The following ULK4 variants were observed in gnomAD, a reference collection of about 807,000 sequenced individuals.
The protein encoded by ULK4 is inactive serine/threonine-protein kinase ULK4.
In ULK4, 133 loss-of-function variants were observed where a neutral mutation model predicts 160.6. The ratio of observed to expected loss-of-function variants is 0.83; its 90% CI spans 0.72 to 0.96. The LOEUF is 0.96. ULK4 is among the 40% of genes least tolerant of loss of function. The pLI, the probability that ULK4 is intolerant of heterozygous loss-of-function variation, is 0.00. For missense variants in ULK4, 1,580 were observed against 1,499.5 expected (o/e 1.05, Z -0.89); for synonymous variants, 534 against 539.8 (o/e 0.99, Z 0.15).
intron 17 of ULK4, chr3:41,882,140 G>A (rs1697543964): frequency 5.7e-6 from 4 of 698,074 alleles, no homozygotes; most frequent in South Asian, 3.0e-5. Context: ...ACTGCCACAC[G>A]GAGTCCCAAG....
At chr3:41,464,461 ACCG>A (rs2083776425) in intron 32 of ULK4, among the ~76,000 whole-genome samples, 1 of 152,074 alleles carries the variant, frequency 6.6e-6, no homozygotes, top group Non-Finnish European at 1.5e-5. Flanking sequence ...AGAATGAATT[ACCG>A]TCAAAATTTC....
At chr3:41,482,007 G>A (rs958310701) in intron 32 of ULK4, among the ~76,000 whole-genome samples, 4 of 152,012 alleles carry the variant, frequency 2.6e-5, no homozygotes, top group African/African-American at 9.7e-5. Context: ...TGTACCTAGG[G>A]TGGGTGCGTT....
intron 35 of ULK4, among the ~76,000 whole-genome samples, chr3:41,331,658 T>G (rs57223608): frequency 0.081 from 12,366 of 152,178 alleles, 1,237 homozygotes; most frequent in African/African-American, 0.23. Context: ...TAAACTTTTT[T>G]TGTGTGATCC....
intron 31 of ULK4, among the ~76,000 whole-genome samples, chr3:41,572,079 T>C (rs964158048): frequency 4.6e-5 from 7 of 152,216 alleles, no homozygotes; most frequent in African/African-American, 1.4e-4. Context: ...GGGCTATCAT[T>C]CTACTATTTT....
At chr3:41,573,466 G>A (rs2088075502) in intron 31 of ULK4, among the ~76,000 whole-genome samples, 1 of 152,172 alleles carries the variant, frequency 6.6e-6, no homozygotes, top group Admixed American at 6.5e-5. Context: ...GATCTAAATA[G>A]TCAAGGTAGA....
intron 30 of ULK4, among the ~76,000 whole-genome samples, chr3:41,628,453 T>G (rs967502723): frequency 1.3e-5 from 2 of 152,178 alleles, no homozygotes; most frequent in Admixed American, 6.5e-5. Context: ...ACAGCATCAC[T>G]TCCATGTTAT....
At chr3:41,442,689 G>A (rs35153278) in intron 34 of ULK4, among the ~76,000 whole-genome samples, 39,815 of 151,498 alleles carry the variant, frequency 0.26, 5,452 homozygotes, top group East Asian at 0.57. Flanking sequence ...GAACTCCTGG[G>A]CTCAAGTGAT....
At chr3:41,458,128 C>T (rs879581350) in intron 33 of ULK4, among the ~76,000 whole-genome samples, 13 of 152,026 alleles carry the variant, frequency 8.6e-5, no homozygotes, top group Non-Finnish European at 1.8e-4. Flanking sequence ...CAGCTTTGGT[C>T]TATGGGGCAT....
rs145077478 is a variant in ULK4 at position 41,383,332 on chromosome 3, A to C, written c.3678+14747T>G. 6.7e-3 allele frequency among the ~76,000 whole-genome samples: 1,019 copies of C among 152,152 alleles called. 4 individuals carry two copies. Among genetic ancestry groups the C allele is most frequent in the East Asian group, 0.015 (79 of 5,172 alleles). On this transcript the variant is annotated intron_variant, in intron 35 of 36. Transcript: ENST00000301831. ...CAGGTTGGTCTCGAACTCTTGACCT[A>C]AGGTGATCCACCTGCCTCGGCCTCC...
At chr3:41,290,011 G>A (rs1446571602) in intron 35 of ULK4, among the ~76,000 whole-genome samples, 1 of 152,072 alleles carries the variant, frequency 6.6e-6, no homozygotes, top group Non-Finnish European at 1.5e-5. Flanking sequence ...AAGTAGCTGG[G>A]ATTGCAGGCA....
chr3:41,765,396 C>T lies in ULK4; in HGVS notation c.2194-10908G>A, dbSNP rs561602423. Among the ~76,000 whole-genome samples, 107 of 150,194 alleles carry T rather than the reference C, an allele frequency of 7.1e-4. 1 individual carries two copies. The highest frequency in any genetic ancestry group is 2.6e-3 in the African/African-American group (105 of 41,160). On this transcript the variant is annotated intron_variant, in intron 21 of 36. Transcript: ENST00000301831. ...ACACAGGGTGGGGAACATCACACAC[C>T]GGGGCCTGTCATGGGGTGGGGGAGT...
At chr3:41,517,786 C>A (rs1413306394) in intron 32 of ULK4, among the ~76,000 whole-genome samples, 2 of 152,172 alleles carry the variant, frequency 1.3e-5, no homozygotes, top group Non-Finnish European at 2.9e-5. Flanking sequence ...GCCAGGGATC[C>A]TGGGCAAGTT....
intron 2 of ULK4, among the ~76,000 whole-genome samples, chr3:41,939,294 G>A (rs1699879109): frequency 1.3e-5 from 2 of 151,708 alleles, no homozygotes; most frequent in African/African-American, 4.8e-5. Context: ...CAAGTAGCTG[G>A]GATTACAGGT....
At chr3:41,799,603 C>T (rs746214770) in intron 20 of ULK4, among the ~76,000 whole-genome samples, 31 of 152,118 alleles carry the variant, frequency 2.0e-4, no homozygotes, top group Non-Finnish European at 3.5e-4. Context: ...GGCTCATCCA[C>T]GTAATTCCAG....
chr3:41,907,481 T>C (rs1347335817), intron 12 of ULK4, among the ~76,000 whole-genome samples: 1 of 152,016 alleles, frequency 6.6e-6, no homozygotes, highest in Admixed American at 6.6e-5. Context: ...TTATTTTTTA[T>C]GAGGACAGGG....
intron 32 of ULK4, among the ~76,000 whole-genome samples, chr3:41,470,040 A>AAC: frequency 6.7e-6 from 1 of 148,592 alleles, no homozygotes. Context: ...AAAAAAAAAA[A>AAC]AAAAAACAAA....
intron 17 of ULK4, among the ~76,000 whole-genome samples, chr3:41,852,192 A>G (rs898118210): frequency 2.6e-5 from 4 of 152,222 alleles, no homozygotes; most frequent in Non-Finnish European, 4.4e-5. Flanking sequence ...ACTAGGAAGA[A>G]GCTGAATCTC....
intron 35 of ULK4, among the ~76,000 whole-genome samples, chr3:41,388,456 A>G (rs952103718): frequency 2.6e-5 from 4 of 152,022 alleles, no homozygotes; most frequent in African/African-American, 9.7e-5. Context: ...GCCCATGCCT[A>G]TGTCCTGAAT....
chr3:41,819,785 T>C (rs913709026), intron 18 of ULK4, among the ~76,000 whole-genome samples: 3 of 152,172 alleles, frequency 2.0e-5, no homozygotes, highest in Admixed American at 6.5e-5. Flanking sequence ...GACAATATGA[T>C]CCAATATGAT....
Sources: gnomAD v4.1 joint callset for allele counts (sites outside exome capture counted in the v4.1 genomes callset) on GRCh38, gnomAD v4.1.1 for gene constraint, MANE v1.5 for transcripts, NCBI Gene and HGNC (gene_info 2026-07-23, HGNC 2026-07-21) for gene names.